BIRC6: variants seen among roughly 807,000 people sequenced by gnomAD.
BIRC6 encodes the protein dual E2 ubiquitin-conjugating enzyme/E3 ubiquitin-protein ligase BIRC6.
In BIRC6, 98 loss-of-function variants were observed where a neutral mutation model predicts 503.3. The observed-to-expected ratio is 0.19, with a 90% CI of 0.17 to 0.23. The LOEUF (loss-of-function observed/expected upper bound fraction) is 0.23, where lower values mean the gene tolerates loss of function less well. Ranked by LOEUF, BIRC6 falls within the 10% of genes least tolerant of loss-of-function variation. The probability of loss-of-function intolerance (pLI) is 1.00; values close to 1 mark genes in which losing one functional copy is unlikely to be tolerated. For missense variants in BIRC6, 5,360 were observed against 5,806.0 expected (o/e 0.92, Z 2.50); for synonymous variants, 2,240 against 2,078.7 (o/e 1.08, Z -2.11).
At chr2:32,491,761 T>C (rs2051745415) in intron 44 of BIRC6, among the ~76,000 whole-genome samples, 1 of 152,190 alleles carries the variant, frequency 6.6e-6, no homozygotes, top group Non-Finnish European at 1.5e-5. Flanking sequence ...CTTAGAACAG[T>C]GATACTAGGT....
chr2:32,580,410 G>C (rs1296406791), intron 66 of BIRC6, among the ~76,000 whole-genome samples: 2 of 152,178 alleles, frequency 1.3e-5, no homozygotes, highest in Non-Finnish European at 2.9e-5. Context: ...GGTGTCCCAA[G>C]GGTATGAAAA....
chr2:32,386,044 T>G (rs575661525), intron 3 of BIRC6, among the ~76,000 whole-genome samples: 25 of 152,322 alleles, frequency 1.6e-4, no homozygotes, highest in African/African-American at 5.8e-4. Context: ...CCTTGCTGTT[T>G]CCTTTTCATC....
At chr2:32,582,155 G>A (rs112511811) in intron 66 of BIRC6, among the ~76,000 whole-genome samples, 33 of 151,690 alleles carry the variant, frequency 2.2e-4, no homozygotes, top group Non-Finnish European at 3.5e-4. Flanking sequence ...CACCGCGCCC[G>A]GCCTGATCTA....
At chr2:32,525,399 G>T in intron 58 of BIRC6, 65 bp from the exon 59 acceptor site, 8 of 1,549,516 alleles carry the variant, frequency 5.2e-6, no homozygotes, top group South Asian at 1.1e-5. Context: ...AATATTTTAG[G>T]AACACTGTTT....
chr2:32,556,039 TA>T (rs1197008748), intron 65 of BIRC6, among the ~76,000 whole-genome samples: 1 of 152,210 alleles, frequency 6.6e-6, no homozygotes. Context: ...CAATAAAAAT[TA>T]AAACACTTGC....
At chr2:32,465,669 A>G (rs1402961718) in intron 26 of BIRC6, among the ~76,000 whole-genome samples, 1 of 152,180 alleles carries the variant, frequency 6.6e-6, no homozygotes, top group Non-Finnish European at 1.5e-5. Context: ...ATCACAACAT[A>G]TTTGTGAATA....
At chr2:32,460,578 A>G (rs1164164351) in intron 23 of BIRC6, among the ~76,000 whole-genome samples, 1 of 151,874 alleles carries the variant, frequency 6.6e-6, no homozygotes, top group African/African-American at 2.4e-5. Flanking sequence ...TGCCTGGCCC[A>G]GCCCTATATT....
Position 32,447,230 on chromosome 2 carries a change from C to G in BIRC6, c.4484+1562C>G, listed in dbSNP as rs1209904865. On this transcript the variant is annotated intron_variant, in intron 21 of 73. Coordinates refer to ENST00000421745, the MANE Select transcript of BIRC6 (RefSeq NM_016252.4). ...CCCGCCTTTCTATTCCACAAAACCG[C>G]CATTGTCATCATGGCCCATCCCCAA... Among the ~76,000 whole-genome samples, 44 of 148,386 alleles carry G rather than the reference C, an allele frequency of 3.0e-4. 1 individual carries two copies. Among genetic ancestry groups the G allele is most frequent in the Admixed American group, 2.9e-3 (43 of 14,986 alleles).
chr2:32,449,751 C>T (rs1268525155), intron 22 of BIRC6, among the ~76,000 whole-genome samples: 3 of 152,040 alleles, frequency 2.0e-5, no homozygotes, highest in African/African-American at 7.3e-5. Flanking sequence ...AACCTTTCCA[C>T]CCTCTTAGGT....
In BIRC6 at chr2:32,503,192, C is replaced by T. The variant is rs754564977; in HGVS notation, c.9455C>T (p.Ser3152Phe). Residue 3152 changes from serine (S) to phenylalanine (F), a missense_variant, in exon 49 of 74, where the codon TCT becomes TTT. Around this residue, in one of 16 missense-constraint regions of BIRC6, gnomAD observed 267 missense variants for 287.6 expected, o/e 0.93. Coordinates refer to ENST00000421745, the MANE Select transcript of BIRC6 (RefSeq NM_016252.4). ...DSTLKTRILASEPDNAEGIHN... is the reference protein window; with the variant it reads ...DSTLKTRILAFEPDNAEGIHN... Reference sequence around the variant, plus strand: ...ACATTGAAAACAAGAATACTAGCTTCTGAGCCTGACAATGCTGAAGGGATT... The same window carrying T: ...ACATTGAAAACAAGAATACTAGCTTTTGAGCCTGACAATGCTGAAGGGATT... 7 of 1,612,870 alleles carry T rather than the reference C, an allele frequency of 4.3e-6. No homozygotes were observed. Among genetic ancestry groups the T allele is most frequent in the Non-Finnish European group, 5.9e-6 (7 of 1,179,530 alleles).
chr2:32,409,196 T>C (rs2041583014), intron 9 of BIRC6, among the ~76,000 whole-genome samples: 1 of 152,182 alleles, frequency 6.6e-6, no homozygotes, highest in African/African-American at 2.4e-5. Context: ...TCTCATTCTG[T>C]TGCCCAGGCT....
intron 9 of BIRC6, among the ~76,000 whole-genome samples, chr2:32,414,535 C>T (rs571839776): frequency 5.9e-5 from 9 of 152,058 alleles, no homozygotes; most frequent in East Asian, 3.9e-4. Flanking sequence ...GGTGTGGTGG[C>T]GTGAGCTTGT....
intron 33 of BIRC6, 88 bp from the exon 34 acceptor site, chr2:32,476,125 A>T: frequency 2.1e-6 from 2 of 940,682 alleles, no homozygotes; most frequent in Non-Finnish European, 3.1e-6. Flanking sequence ...GCATTCCATT[A>T]GTTTGATGTA....
intron 57 of BIRC6, among the ~76,000 whole-genome samples, chr2:32,520,890 T>C (rs572656638): frequency 6.6e-6 from 1 of 152,294 alleles, no homozygotes; most frequent in East Asian, 1.9e-4. Context: ...GATATTGATA[T>C]TTCATATGTT....
At position 32,611,568 on chromosome 2, in the gene BIRC6, G is replaced by T. The variant is rs752068546; in HGVS notation, c.14380G>T (p.Ala4794Ser). 1 of 1,585,638 alleles carries T rather than the reference G, an allele frequency of 6.3e-7. No individual in the cohort carries two copies. Among genetic ancestry groups the T allele is most frequent in the South Asian group, 1.2e-5 (1 of 86,870 alleles). ...KRVGRTMSHHAAALKRHTAQL... is the reference protein window; with the variant it reads ...KRVGRTMSHHSAALKRHTAQL... ...GGTAGGCAGGACTATGTCTCACCAT[G>T]CAGCAGCTCTCAAGGTGAGTAAGCC... Residue 4794 changes from alanine (A) to serine (S), a missense_variant, in exon 73 of 74, where the codon GCA (alanine) becomes TCA (serine). This residue lies in a region of BIRC6 where 140 missense variants were observed against 130.2 expected (regional missense o/e 1.07). Coordinates refer to ENST00000421745, the MANE Select transcript of BIRC6 (RefSeq NM_016252.4).
chr2:32,448,726 C>CT, intron 21 of BIRC6, 69 bp from the exon 22 acceptor site: 1 of 1,475,170 alleles, frequency 6.8e-7, no homozygotes, highest in South Asian at 1.3e-5. Flanking sequence ...GCTTTTAAAA[C>CT]TAAGTAAAGG....
chr2:32,370,678 T>C (rs2035799623), intron 1 of BIRC6, among the ~76,000 whole-genome samples: 1 of 152,224 alleles, frequency 6.6e-6, no homozygotes, highest in East Asian at 1.9e-4. Context: ...TACATTAATT[T>C]TGTACCTTCT....
chr2:32,464,469 C>A, intron 24 of BIRC6, 40 bp from the exon 25 acceptor site: 1 of 1,497,440 alleles, frequency 6.7e-7, no homozygotes, highest in Non-Finnish European at 8.9e-7. Flanking sequence ...TTTAGGTAGG[C>A]AGGATTAGTC....
At chr2:32,422,061 A>G (rs1271186181) in intron 10 of BIRC6, among the ~76,000 whole-genome samples, 1 of 152,178 alleles carries the variant, frequency 6.6e-6, no homozygotes, top group East Asian at 1.9e-4. Context: ...TCATTATGAA[A>G]TATTCCTCTG....
Sources: gnomAD v4.1 joint callset for allele counts (sites outside exome capture counted in the v4.1 genomes callset) on GRCh38, gnomAD v4.1.1 for gene constraint, gnomAD v4.1.1 regional missense constraint, MANE v1.5 for transcripts, NCBI Gene and HGNC (gene_info 2026-07-23, HGNC 2026-07-21) for gene names.